The following SSH2 variants were observed in gnomAD, a reference collection of about 807,000 sequenced individuals.
SSH2 encodes the protein protein phosphatase Slingshot homolog 2.
SSH2 carries 37 observed loss-of-function variants against 135.2 expected under a neutral mutation model. The observed-to-expected ratio is 0.27, with a 90% confidence interval of 0.21 to 0.36. The LOEUF is 0.36. SSH2 is among the 10% of genes least tolerant of loss of function. The pLI is 1.00. For missense variants in SSH2, 1,408 were observed against 1,765.3 expected, an observed-to-expected ratio of 0.80 and a Z score of 3.63; for synonymous variants, 628 against 646.2, an observed-to-expected ratio of 0.97 and a Z score of 0.43.
intron 1 of SSH2, among the ~76,000 whole-genome samples, chr17:29,908,914 T>C (rs747186403): frequency 6.6e-6 from 1 of 151,102 alleles, no homozygotes; most frequent in Non-Finnish European, 1.5e-5. Context: ...CCATCTCTAC[T>C]AAAAATAAAA....
At chr17:29,771,760 G>A (rs1197041717) in intron 3 of SSH2, among the ~76,000 whole-genome samples, 1 of 152,180 alleles carries the variant, frequency 6.6e-6, no homozygotes, top group African/African-American at 2.4e-5. Flanking sequence ...AAGCAATTTA[G>A]TACTATGCAG....
intron 2 of SSH2, among the ~76,000 whole-genome samples, chr17:29,844,619 A>G (rs2043100229): frequency 6.6e-6 from 1 of 152,206 alleles, no homozygotes; most frequent in Admixed American, 6.5e-5. Context: ...AGCTAAAGCC[A>G]GTATCTTCTT....
chr17:29,753,264 G>A (rs138972669), intron 3 of SSH2, among the ~76,000 whole-genome samples: 44 of 151,926 alleles, frequency 2.9e-4, no homozygotes, highest in Admixed American at 1.2e-3. Flanking sequence ...CCGAGTAGGT[G>A]GGATTACAGG....
chr17:29,875,087 T>C (rs1386282131), intron 1 of SSH2, among the ~76,000 whole-genome samples: 3 of 152,176 alleles, frequency 2.0e-5, no homozygotes, highest in Non-Finnish European at 2.9e-5. Context: ...CATGGTAAGC[T>C]GGAGACTGTC....
Position 29,698,361 on chromosome 17 carries a change from ATCTC to A in SSH2, c.293-2842_293-2839del, listed in dbSNP as rs1394371669. On this transcript the variant is annotated intron_variant, in intron 4 of 15. Coordinates refer to ENST00000540801, the MANE Select transcript of SSH2 (RefSeq NM_001282129.2). ...GTGAATTATATGGTATGTGGATTAT[ATCTC>A]AATAAAGCTGTTAAACAAAAAATAA... 2.6e-5 allele frequency among the ~76,000 whole-genome samples: 4 copies of A among 152,358 alleles called. No individual in the cohort carries two copies. The South Asian group carries it at 6.2e-4, about 24-fold the overall frequency.
At chr17:29,749,739 G>GT (rs764119641) in intron 3 of SSH2, among the ~76,000 whole-genome samples, 11 of 152,058 alleles carry the variant, frequency 7.2e-5, no homozygotes, top group Non-Finnish European at 1.3e-4. Context: ...TTTCTTGTTT[G>GT]TTTTTTGAGA....
At chr17:29,759,726 T>C (rs1376461297) in intron 3 of SSH2, among the ~76,000 whole-genome samples, 1 of 152,360 alleles carries the variant, frequency 6.6e-6, no homozygotes, top group African/African-American at 2.4e-5. Context: ...TTCAAGGTCA[T>C]TCATACTGTA....
chr17:29,823,869 A>C (rs1360823785), intron 2 of SSH2, among the ~76,000 whole-genome samples: 5 of 114,268 alleles, frequency 4.4e-5, no homozygotes, highest in Non-Finnish European at 8.4e-5. Flanking sequence ...ACAGAGTGAG[A>C]CTCTGTCTCA....
At chr17:29,914,641 G>A (rs1168538299) in intron 1 of SSH2, among the ~76,000 whole-genome samples, 1 of 151,100 alleles carries the variant, frequency 6.6e-6, no homozygotes, top group Non-Finnish European at 1.5e-5. Flanking sequence ...TTTAAATGAA[G>A]AGCCAATTAT....
chr17:29,874,438 C>T (rs2065993795), intron 1 of SSH2, among the ~76,000 whole-genome samples: 1 of 152,086 alleles, frequency 6.6e-6, no homozygotes, highest in African/African-American at 2.4e-5. Flanking sequence ...TCCCTATAAC[C>T]CCGATAAGGG....
At chr17:29,899,461 C>A (rs1330139767) in intron 1 of SSH2, among the ~76,000 whole-genome samples, 7 of 152,254 alleles carry the variant, frequency 4.6e-5, no homozygotes, top group South Asian at 4.1e-4. Flanking sequence ...GTGCAAAAAT[C>A]AGAAGCATTC....
Position 29,684,041 on chromosome 17 carries a change from G to T in SSH2, c.479+522C>A, listed in dbSNP as rs544813974. Among the ~76,000 whole-genome samples the T allele has an allele frequency of 2.0e-5, 3 of 152,134 alleles. No individual in the cohort carries two copies. In the South Asian group the frequency reaches 6.2e-4, roughly 32 times the overall value. Reference sequence around the variant, plus strand: ...GTGACTATCTAAAGATGAGATGAAGGTATGGAATAATGGTAAATTGGAAAC... The same window carrying T: ...GTGACTATCTAAAGATGAGATGAAGTTATGGAATAATGGTAAATTGGAAAC... On this transcript the variant is annotated intron_variant, in intron 6 of 15. Coordinates refer to ENST00000540801, the MANE Select transcript of SSH2 (RefSeq NM_001282129.2).
chr17:29,667,156 C>G lies in SSH2; in HGVS notation c.877G>C (p.Asp293His). ...TKLREIMMQK[D>H]LENITSKEIR... ...TCTTTGGATGTAATATTCTCCAAAT[C>G]CTTCTGCATCATGATCTCCCTTAAT... Residue 293 changes from aspartate to histidine, a missense_variant, in exon 10 of 16, where the codon GAT becomes CAT. Physicochemically the swap from Asp to His is moderately conservative, Grantham distance 81. Around this residue, in one of 3 missense-constraint regions of SSH2, gnomAD observed 106 missense variants for 265.2 expected, o/e 0.40. Coordinates refer to ENST00000540801, the MANE Select transcript of SSH2 (RefSeq NM_001282129.2). The G allele has an allele frequency of 6.2e-7, 1 of 1,613,548 alleles. No individual in the cohort carries two copies. Among genetic ancestry groups the G allele is most frequent in the Non-Finnish European group, 8.5e-7 (1 of 1,179,616 alleles).
At chr17:29,683,819 C>T (rs988005000) in intron 6 of SSH2, among the ~76,000 whole-genome samples, 2 of 151,326 alleles carry the variant, frequency 1.3e-5, no homozygotes, top group Non-Finnish European at 2.9e-5. Context: ...GTGGTGCATG[C>T]CTGTACTTCT....
intron 3 of SSH2, among the ~76,000 whole-genome samples, chr17:29,781,312 C>T (rs1463225781): frequency 6.6e-6 from 1 of 151,832 alleles, no homozygotes; most frequent in Non-Finnish European, 1.5e-5. Context: ...AAGATGAAGT[C>T]CTATCTCAAA....
At chr17:29,823,465 A>C (rs1036105722) in intron 2 of SSH2, among the ~76,000 whole-genome samples, 7 of 152,066 alleles carry the variant, frequency 4.6e-5, no homozygotes, top group African/African-American at 1.7e-4. Context: ...AACACCCCAC[A>C]TTGGGCCACC....
chr17:29,913,347 A>ATATATATATAT (rs1429739888), intron 1 of SSH2, among the ~76,000 whole-genome samples: 7 of 28,786 alleles, frequency 2.4e-4, no homozygotes, highest in Non-Finnish European at 3.5e-4. Context: ...AAAAAAAAAA[A>ATATATATATAT]ATATATATAT....
chr17:29,708,120 G>A (rs1368504340), intron 3 of SSH2, among the ~76,000 whole-genome samples: 3 of 152,062 alleles, frequency 2.0e-5, no homozygotes, highest in Admixed American at 6.6e-5. Flanking sequence ...AAAATTAAAT[G>A]CTTTATTTGC....
chr17:29,794,574 T>C (rs1483677224), intron 2 of SSH2, among the ~76,000 whole-genome samples: 1 of 152,230 alleles, frequency 6.6e-6, no homozygotes, highest in African/African-American at 2.4e-5. Context: ...CACTGATGGT[T>C]AATGACCCAC....
Sources: gnomAD v4.1 joint callset for allele counts (sites outside exome capture counted in the v4.1 genomes callset) on GRCh38, gnomAD v4.1.1 for gene constraint, gnomAD v4.1.1 regional missense constraint, MANE v1.5 for transcripts, NCBI Gene and HGNC (gene_info 2026-07-23, HGNC 2026-07-21) for gene names.